The following PTPN13 variants were observed in gnomAD, a reference collection of about 807,000 sequenced individuals.
The protein encoded by PTPN13 is protein tyrosine phosphatase non-receptor type 13.
Under a neutral mutation model 284.0 loss-of-function variants are expected in PTPN13, and 191 were observed. The observed-to-expected ratio is 0.67, with a 90% CI of 0.60 to 0.76. PTPN13 has a LOEUF of 0.76. Ranked by LOEUF, PTPN13 falls within the 30% of genes least tolerant of loss-of-function variation. The probability of loss-of-function intolerance (pLI) is 0.00; values close to 1 mark genes in which losing one functional copy is unlikely to be tolerated. For synonymous variants in PTPN13, 986 were observed against 1,022.3 expected (o/e 0.96, Z 0.68); for missense variants, 2,797 against 2,939.9 (o/e 0.95, Z 1.12).
chr4:86,795,579 C>T (rs1743241482), intron 40 of PTPN13, among the ~76,000 whole-genome samples: 1 of 152,176 alleles, frequency 6.6e-6, no homozygotes, highest in Non-Finnish European at 1.5e-5. Flanking sequence ...ACCATAAAGA[C>T]ACATGCACAC....
chr4:86,807,921 G>C (rs1318452950), intron 45 of PTPN13, 24 bp downstream of exon 45: 1 of 1,574,218 alleles, frequency 6.4e-7, no homozygotes, highest in East Asian at 2.2e-5. Flanking sequence ...ATCTTTCCCT[G>C]TTGGAAGGTG....
At chr4:86,626,538 T>C (rs2148683372) in intron 1 of PTPN13, among the ~76,000 whole-genome samples, 1 of 152,272 alleles carries the variant, frequency 6.6e-6, no homozygotes, top group East Asian at 1.9e-4. Context: ...TAACTACTTC[T>C]AATGGAAAGA....
intron 2 of PTPN13, among the ~76,000 whole-genome samples, chr4:86,644,051 G>A (rs1455950179): frequency 6.6e-6 from 1 of 151,484 alleles, no homozygotes; most frequent in South Asian, 2.1e-4. Context: ...TACATGAAAT[G>A]GACATCTTAA....
chr4:86,680,922 T>C (rs889094765), intron 3 of PTPN13, among the ~76,000 whole-genome samples: 2 of 152,116 alleles, frequency 1.3e-5, no homozygotes, highest in Admixed American at 6.5e-5. Context: ...ACTTATAATA[T>C]GTCCAACACT....
intron 3 of PTPN13, among the ~76,000 whole-genome samples, chr4:86,677,063 C>T (rs964107402): frequency 2.0e-5 from 3 of 151,902 alleles, no homozygotes; most frequent in Admixed American, 6.6e-5. Flanking sequence ...GTCAGGAGAT[C>T]GAGACCATCC....
In PTPN13 at chr4:86,717,209, G is replaced by A. The variant is rs886079114; in HGVS notation, c.1385+92G>A. On this transcript the variant is annotated intron_variant, in intron 9 of 47. Transcript: ENST00000411767. The stretch of plus-strand genomic sequence containing the variant: ...ATGGAATTTTTTTTTTTTTTTTTGA[G>A]ACGGAGTCTTGCTCTGTTGCCTAAG... The A allele has an allele frequency of 5.1e-6, 4 of 778,796 alleles. No homozygotes were observed. In the African/African-American group the frequency reaches 8.2e-5, roughly 16 times the overall value. The allele number at this position is 778,796 out of a possible 1,614,324, so 48.2% of individuals were successfully genotyped here. A position where few individuals can be genotyped will look rare whatever the true frequency, so the allele number is the denominator to read the frequency against.
chr4:86,809,611 A>C lies in PTPN13; in HGVS notation c.7084-158A>C, dbSNP rs999265529. Among the ~76,000 whole-genome samples the C allele has an allele frequency of 7.2e-5, 11 of 152,226 alleles. No individual in the cohort carries two copies. In the East Asian group the frequency reaches 1.7e-3, roughly 24 times the overall value. ...TACTATGAGGCAGGAGAATCGCTTGAACCTGGGAGGCGGAGGCTGCAGTGA... is the reference window on the plus strand; with the variant it reads ...TACTATGAGGCAGGAGAATCGCTTGCACCTGGGAGGCGGAGGCTGCAGTGA... On this transcript the variant is annotated intron_variant, in intron 45 of 47. Transcript: ENST00000411767.
chr4:86,645,666 A>T (rs1724338286), intron 2 of PTPN13, among the ~76,000 whole-genome samples: 2 of 152,230 alleles, frequency 1.3e-5, no homozygotes, highest in South Asian at 4.1e-4. Flanking sequence ...ACAAAAAGTA[A>T]AACACAGTGC....
intron 17 of PTPN13, among the ~76,000 whole-genome samples, chr4:86,747,785 G>T (rs1736946817): frequency 6.6e-6 from 1 of 152,148 alleles, no homozygotes; most frequent in African/African-American, 2.4e-5. Context: ...TTTCCCCTTG[G>T]CTTATAAGTA....
chr4:86,595,853 G>A (rs997009372), intron 1 of PTPN13: 4 of 681,576 alleles, frequency 5.9e-6, no homozygotes, highest in Non-Finnish European at 7.2e-6. Context: ...GATGGGGGGG[G>A]GAGTAAAAGT....
intron 10 of PTPN13, among the ~76,000 whole-genome samples, chr4:86,726,785 C>T (rs993573703): frequency 6.7e-6 from 1 of 149,222 alleles, no homozygotes; most frequent in Non-Finnish European, 1.5e-5. Flanking sequence ...TCCTCTTTTC[C>T]TAATTGAATA....
intron 40 of PTPN13, among the ~76,000 whole-genome samples, chr4:86,794,387 G>A (rs367727606): frequency 1.3e-5 from 2 of 152,058 alleles, no homozygotes; most frequent in African/African-American, 2.4e-5. Context: ...ACTGCTCAAC[G>A]AAATAAAAGA....
chr4:86,653,011 G>C (rs1028364116), intron 2 of PTPN13, among the ~76,000 whole-genome samples: 1 of 151,544 alleles, frequency 6.6e-6, no homozygotes, highest in Non-Finnish European at 1.5e-5. Flanking sequence ...CCTTCTGCTT[G>C]ATCAGTTCTG....
chr4:86,667,089 A>C lies in PTPN13; in HGVS notation c.116-5276A>C, dbSNP rs149309751. Among the ~76,000 whole-genome samples, 338 of 152,266 alleles carry C rather than the reference A, an allele frequency of 2.2e-3. 3 individuals are homozygous for C. The highest frequency in any genetic ancestry group is 7.9e-3 in the African/African-American group (327 of 41,556). ...TACTGAGGACTTCCTTACTCTCACT[A>C]TCTGCCTAAATAATTCTTTTTAAAC... On this transcript the variant is annotated intron_variant, in intron 2 of 47. Coordinates refer to ENST00000411767, the MANE Select transcript of PTPN13 (RefSeq NM_080683.3).
chr4:86,786,746 CT>C (rs1473001339), intron 40 of PTPN13, among the ~76,000 whole-genome samples: 2 of 152,014 alleles, frequency 1.3e-5, no homozygotes, highest in Admixed American at 6.6e-5. Flanking sequence ...TAAAATGCCC[CT>C]TAAAATGTAT....
At chr4:86,805,904 C>A (rs898488028) in intron 44 of PTPN13, among the ~76,000 whole-genome samples, 1 of 151,964 alleles carries the variant, frequency 6.6e-6, no homozygotes, top group East Asian at 1.9e-4. Context: ...ACCTTTAATC[C>A]CTGCACTTTG....
chr4:86,803,653 C>T (rs1744317422), intron 42 of PTPN13, 56 bp from the exon 43 acceptor site: 1 of 1,559,582 alleles, frequency 6.4e-7, no homozygotes, highest in South Asian at 1.1e-5. Context: ...GAAATTAGTT[C>T]ACTTAGTTAA....
intron 1 of PTPN13, among the ~76,000 whole-genome samples, chr4:86,605,161 AG>A (rs796885396): frequency 1.5e-4 from 23 of 152,128 alleles, no homozygotes; most frequent in African/African-American, 5.3e-4. Context: ...GGAGTGCCTA[AG>A]AAACTAGGAA....
intron 23 of PTPN13, among the ~76,000 whole-genome samples, chr4:86,759,926 A>G (rs1356335263): frequency 1.3e-5 from 2 of 152,224 alleles, no homozygotes; most frequent in Non-Finnish European, 2.9e-5. Context: ...AGTTACCTTC[A>G]TGCCAAAGAT....
Sources: allele counts gnomAD v4.1 joint callset (sites outside exome capture counted in the v4.1 genomes callset), GRCh38; gene constraint gnomAD v4.1.1; transcripts MANE v1.5; gene names NCBI Gene and HGNC (gene_info 2026-07-23, HGNC 2026-07-21).